The following ZBTB20 variants were observed in gnomAD, a reference collection of about 807,000 sequenced individuals.
The protein encoded by ZBTB20 is zinc finger and BTB domain containing 20, also known as zinc finger and BTB domain-containing protein 20.
ZBTB20 carries 9 observed loss-of-function variants against 56.9 expected under a neutral mutation model. The ratio of observed to expected loss-of-function variants is 0.16; its 90% CI spans 0.10 to 0.28. The LOEUF (loss-of-function observed/expected upper bound fraction) is 0.28. Among genes scored for constraint, ZBTB20 ranks in the 10% least tolerant of loss-of-function variants. ZBTB20 has a pLI of 1.00. For synonymous variants in ZBTB20, 417 were observed against 420.7 expected (o/e 0.99, Z 0.11); for missense variants, 655 against 1,003.0 (o/e 0.65, Z 4.69).
intron 2 of ZBTB20, among the ~76,000 whole-genome samples, chr3:114,995,397 G>T (rs2055650): frequency 0.24 from 36,495 of 151,726 alleles, 4,727 homozygotes; most frequent in Middle Eastern, 0.32. Context: ...CATATAGGTT[G>T]CTACTTTTAG....
At chr3:115,095,511 T>C (rs1036710233) in intron 1 of ZBTB20, among the ~76,000 whole-genome samples, 6 of 152,134 alleles carry the variant, frequency 3.9e-5, no homozygotes, top group Non-Finnish European at 7.4e-5. Context: ...TTCCACAGTT[T>C]AGTACAGAAA....
At chr3:115,125,984 G>C (rs1378169470) in intron 1 of ZBTB20, among the ~76,000 whole-genome samples, 1 of 151,940 alleles carries the variant, frequency 6.6e-6, no homozygotes, top group Non-Finnish European at 1.5e-5. Flanking sequence ...ATAATATAAA[G>C]AACTCATGCA....
chr3:115,100,387 A>T (rs1234707680), intron 1 of ZBTB20: 3 of 151,984 alleles, frequency 2.0e-5, no homozygotes, highest in Non-Finnish European at 4.4e-5. Context: ...AGAGGGAGAG[A>T]GAGACAGAGA....
chr3:114,594,043 T>A (rs957523469), intron 6 of ZBTB20, among the ~76,000 whole-genome samples: 2 of 151,982 alleles, frequency 1.3e-5, no homozygotes, highest in African/African-American at 4.8e-5. Context: ...ACTGTTCTCA[T>A]TTCTCTCACT....
intron 3 of ZBTB20, among the ~76,000 whole-genome samples, chr3:114,919,693 A>T (rs898405462): frequency 6.6e-6 from 1 of 151,902 alleles, no homozygotes; most frequent in Non-Finnish European, 1.5e-5. Flanking sequence ...TGACAGAGCA[A>T]GACTCCATCT....
At chr3:114,481,122 A>G (rs1408720353) in intron 7 of ZBTB20, among the ~76,000 whole-genome samples, 2 of 152,088 alleles carry the variant, frequency 1.3e-5, no homozygotes, top group Non-Finnish European at 2.9e-5. Context: ...GCCAATATAG[A>G]GATAATATAT....
At chr3:114,426,121 G>A (rs2089634431) in intron 7 of ZBTB20, among the ~76,000 whole-genome samples, 1 of 152,000 alleles carries the variant, frequency 6.6e-6, no homozygotes, top group Non-Finnish European at 1.5e-5. Context: ...GGATCATGAG[G>A]TCAGGAGATT....
intron 2 of ZBTB20, among the ~76,000 whole-genome samples, chr3:114,982,611 C>T (rs1218146671): frequency 1.3e-5 from 2 of 151,836 alleles, no homozygotes; most frequent in Non-Finnish European, 2.9e-5. Context: ...GAATTACTCC[C>T]TAAAATAAAT....
intron 6 of ZBTB20, among the ~76,000 whole-genome samples, chr3:114,553,228 T>C (rs1249837724): frequency 6.6e-6 from 1 of 152,210 alleles, no homozygotes; most frequent in Non-Finnish European, 1.5e-5. Context: ...TATATAAATG[T>C]ATGATGTGGT....
intron 6 of ZBTB20, among the ~76,000 whole-genome samples, chr3:114,579,028 C>A (rs2054374973): frequency 6.6e-6 from 1 of 151,552 alleles, no homozygotes; most frequent in African/African-American, 2.4e-5. Flanking sequence ...TGTTAACCAC[C>A]TTTTTTATAC....
chr3:114,914,619 G>A (rs2075672959), intron 3 of ZBTB20, among the ~76,000 whole-genome samples: 1 of 151,996 alleles, frequency 6.6e-6, no homozygotes, highest in Non-Finnish European at 1.5e-5. Context: ...AGTGATGAAA[G>A]TGAGCATCCT....
At chr3:114,589,708 T>C (rs1290506132) in intron 6 of ZBTB20, among the ~76,000 whole-genome samples, 1 of 152,192 alleles carries the variant, frequency 6.6e-6, no homozygotes, top group Non-Finnish European at 1.5e-5. Flanking sequence ...ATAAAAACTT[T>C]CATGTCTATT....
At chr3:114,358,894 T>C (rs2081517823) in intron 10 of ZBTB20, among the ~76,000 whole-genome samples, 1 of 152,182 alleles carries the variant, frequency 6.6e-6, no homozygotes, top group Non-Finnish European at 1.5e-5. Flanking sequence ...GTTTTGCTTT[T>C]CTTTGTGGAG....
In ZBTB20 at chr3:114,893,400, AG is replaced by A. The variant is rs769118656; in HGVS notation, c.-417+6903del. Among the ~76,000 whole-genome samples, 3 of 152,358 alleles carry A rather than the reference AG, an allele frequency of 2.0e-5. No individual in the cohort carries two copies. In the East Asian group the frequency reaches 5.8e-4, roughly 29 times the overall value. On this transcript the variant is annotated intron_variant, in intron 4 of 11. Transcript: ENST00000675478. Reference sequence around the variant, plus strand: ...GGAAAAAAATCTTTAAATGAGTACAAGGGTTACTTAAGAGAATTATTAGTGA... The same window carrying A: ...GGAAAAAAATCTTTAAATGAGTACAAGGTTACTTAAGAGAATTATTAGTGA...
intron 6 of ZBTB20, among the ~76,000 whole-genome samples, chr3:114,558,136 G>A (rs747849368): frequency 6.6e-6 from 1 of 151,954 alleles, no homozygotes; most frequent in Non-Finnish European, 1.5e-5. Flanking sequence ...CTACCTTGAG[G>A]GGTGGATGGT....
intron 5 of ZBTB20, among the ~76,000 whole-genome samples, chr3:114,788,804 C>T (rs2070739849): frequency 6.6e-6 from 1 of 152,182 alleles, no homozygotes; most frequent in African/African-American, 2.4e-5. Flanking sequence ...AATGGACTCA[C>T]AGTTCCACAT....
intron 2 of ZBTB20, among the ~76,000 whole-genome samples, chr3:115,025,549 A>G (rs1161283120): frequency 6.6e-6 from 1 of 151,146 alleles, no homozygotes; most frequent in Non-Finnish European, 1.5e-5. Flanking sequence ...AAGTAATAAA[A>G]TATAATAAGA....
chr3:114,345,075 C>A (rs2080082947), intron 11 of ZBTB20, among the ~76,000 whole-genome samples: 4 of 152,120 alleles, frequency 2.6e-5, no homozygotes, highest in Admixed American at 6.5e-5. Flanking sequence ...AAAACTCTTG[C>A]TGTGAAAAGA....
At chr3:115,028,982 A>G (rs1256197848) in intron 2 of ZBTB20, among the ~76,000 whole-genome samples, 4 of 150,690 alleles carry the variant, frequency 2.7e-5, no homozygotes, top group African/African-American at 9.7e-5. Context: ...AACATGAACT[A>G]TAAACATGAG....
Sources: allele counts gnomAD v4.1 joint callset (sites outside exome capture counted in the v4.1 genomes callset), GRCh38; gene constraint gnomAD v4.1.1; transcripts MANE v1.5; gene names NCBI Gene and HGNC (gene_info 2026-07-23, HGNC 2026-07-21).